Variants in TENM1 observed in about 807,000 individuals in gnomAD.
TENM1 encodes the protein teneurin transmembrane protein 1, also known as teneurin-1.
TENM1 carries 35 observed loss-of-function variants against 174.8 expected under a neutral mutation model. The ratio of observed to expected loss-of-function variants is 0.20; its 90% confidence interval spans 0.15 to 0.27. TENM1 has a LOEUF of 0.27. Ranked by LOEUF, TENM1 falls within the 10% of genes least tolerant of loss-of-function variation. The probability of loss-of-function intolerance (pLI) is 1.00; values close to 1 mark genes in which losing one functional copy is unlikely to be tolerated. For synonymous variants in TENM1, 781 were observed against 798.7 expected, an observed-to-expected ratio of 0.98 and a Z score of 0.37; for missense variants, 1,633 against 2,130.1, an observed-to-expected ratio of 0.77 and a Z score of 4.59.
chrX:124,663,632 G>A (rs755468909), intron 6 of TENM1, among the ~76,000 whole-genome samples: 1 of 111,737 alleles, frequency 8.9e-6, no homozygotes, highest in South Asian at 3.7e-4. Context: ...TAGTCCAGGA[G>A]GATAAACATG....
chrX:124,912,801 T>C (rs868069967), intron 1 of TENM1, among the ~76,000 whole-genome samples: 15 of 111,770 alleles, frequency 1.3e-4, no homozygotes, highest in African/African-American at 4.5e-4. Flanking sequence ...TGGGCTAAAA[T>C]TATAAAAAGA....
chrX:125,005,189 TAC>T, the TENM1 span, among the ~76,000 whole-genome samples: 41,490 of 88,211 alleles, frequency 0.47, 8,748 homozygotes, highest in East Asian at 0.69. Flanking sequence ...GATGTATACA[TAC>T]ACACACACAC....
At chrX:124,689,990 G>A (rs1165023123) in intron 5 of TENM1, among the ~76,000 whole-genome samples, 9 of 111,235 alleles carry the variant, frequency 8.1e-5, no homozygotes, top group Non-Finnish European at 5.7e-5. Context: ...TGTGGATAAG[G>A]CAGTACTATT....
chrX:124,876,729 G>T (rs1490686958), intron 3 of TENM1, among the ~76,000 whole-genome samples: 1 of 111,880 alleles, frequency 8.9e-6, no homozygotes, highest in Non-Finnish European at 1.9e-5. Context: ...TTACAAATCA[G>T]ATTTCTTTCT....
chrX:124,770,358 A>G (rs2054625063), intron 3 of TENM1, among the ~76,000 whole-genome samples: 3 of 111,329 alleles, frequency 2.7e-5, no homozygotes, highest in Non-Finnish European at 5.6e-5. Flanking sequence ...ATATATTATA[A>G]TATCACTCTT....
At chrX:124,407,219 CAAAAA>C (rs59240118) in intron 25 of TENM1, among the ~76,000 whole-genome samples, 2,025 of 86,624 alleles carry the variant, frequency 0.023, 53 homozygotes, top group African/African-American at 0.078. Context: ...TTACTTTTTC[CAAAAA>C]AAAAAAAAAA....
intron 1 of TENM1, among the ~76,000 whole-genome samples, chrX:124,957,973 A>G (rs1250460479): frequency 9.0e-6 from 1 of 111,645 alleles, no homozygotes; most frequent in Non-Finnish European, 1.9e-5. Flanking sequence ...ATGCATTTAT[A>G]TTTTCATTTT....
At chrX:124,814,736 T>TA (rs2055860587) in intron 3 of TENM1, among the ~76,000 whole-genome samples, 1 of 110,883 alleles carries the variant, frequency 9.0e-6, no homozygotes, top group Non-Finnish European at 1.9e-5. Context: ...CCTTTACTGA[T>TA]AGAGTAGGGT....
At chrX:124,513,497 T>A (rs761664993) in intron 18 of TENM1, among the ~76,000 whole-genome samples, 2 of 112,117 alleles carry the variant, frequency 1.8e-5, no homozygotes, top group Admixed American at 1.9e-4. Flanking sequence ...AACATATTCA[T>A]GGTTTCCAAG....
In TENM1 at chrX:124,468,815, A is replaced by G. The variant is rs1055278773; in HGVS notation, c.3949+12917T>C. ...ACCACAATAAAAACACGTAAATTAT[A>G]TTACACCTTATGTATCCTTTTGCAA... is the stretch of plus-strand genomic sequence containing the variant. On this transcript the variant is annotated intron_variant, in intron 22 of 31. Coordinates refer to ENST00000422452, the Ensembl canonical transcript of TENM1. 3.6e-5 allele frequency among the ~76,000 whole-genome samples: 4 copies of G among 111,985 alleles called. No homozygotes were observed. The Admixed American group carries it at 3.8e-4, about 11-fold the overall frequency.
chrX:124,847,948 G>A (rs2056641968), intron 3 of TENM1, among the ~76,000 whole-genome samples: 1 of 111,080 alleles, frequency 9.0e-6, no homozygotes, highest in Non-Finnish European at 1.9e-5. Context: ...GCTATCAGCG[G>A]GCTTTTTAGT....
intron 3 of TENM1, among the ~76,000 whole-genome samples, chrX:124,838,638 C>A (rs1322930343): frequency 9.0e-6 from 1 of 110,916 alleles, no homozygotes; most frequent in Non-Finnish European, 1.9e-5. Context: ...TACTCAATCC[C>A]ACCTGTTACG....
chrX:125,048,487 A>G, the TENM1 span, among the ~76,000 whole-genome samples: 1 of 110,810 alleles, frequency 9.0e-6, no homozygotes, highest in Non-Finnish European at 1.9e-5. Context: ...ATCTAAATTG[A>G]CTAACAGAAT....
chrX:125,063,247 A>C, the TENM1 span, among the ~76,000 whole-genome samples: 1 of 112,224 alleles, frequency 8.9e-6, no homozygotes, highest in South Asian at 3.7e-4. Context: ...TCATGGAAGA[A>C]GCATATTATG....
intron 22 of TENM1, among the ~76,000 whole-genome samples, chrX:124,457,610 A>C (rs2061124197): frequency 8.9e-6 from 1 of 111,839 alleles, no homozygotes; most frequent in Non-Finnish European, 1.9e-5. Flanking sequence ...GTTACTTATA[A>C]ATTTATCACC....
At chrX:124,872,113 CTG>C (rs2057122267) in intron 3 of TENM1, among the ~76,000 whole-genome samples, 1 of 106,803 alleles carries the variant, frequency 9.4e-6, no homozygotes, top group Non-Finnish European at 1.9e-5. Flanking sequence ...AAGAAGAAAA[CTG>C]AGAGAGCATG....
chrX:124,726,737 G>A (rs2053450147), intron 4 of TENM1, among the ~76,000 whole-genome samples: 1 of 111,244 alleles, frequency 9.0e-6, no homozygotes, highest in Non-Finnish European at 1.9e-5. Flanking sequence ...AAATGTTCTA[G>A]AAAAAAACTA....
chrX:124,613,223 G>A (rs991796707), intron 11 of TENM1, among the ~76,000 whole-genome samples: 1 of 111,274 alleles, frequency 9.0e-6, no homozygotes, highest in Admixed American at 9.5e-5. Context: ...TTATCATAAT[G>A]TCTCAAGTCA....
chrX:124,462,288 A>C (rs1396132100), intron 22 of TENM1, among the ~76,000 whole-genome samples: 3 of 110,648 alleles, frequency 2.7e-5, no homozygotes, highest in African/African-American at 9.9e-5. Context: ...TTGAGGAATC[A>C]CTAGATGGAA....
Sources: allele counts gnomAD v4.1 joint callset (sites outside exome capture counted in the v4.1 genomes callset), GRCh38; gene constraint gnomAD v4.1.1; transcripts MANE v1.5; gene names NCBI Gene and HGNC (gene_info 2026-07-23, HGNC 2026-07-21).